Variants in CDH22 observed in about 807,000 individuals in gnomAD.
CDH22 encodes the protein cadherin 22.
A neutral mutation model predicts 58.4 loss-of-function variants in CDH22; 30 were observed. The observed-to-expected ratio is 0.51, with a 90% CI of 0.38 to 0.70. The LOEUF (loss-of-function observed/expected upper bound fraction) is 0.70, where lower values mean the gene tolerates loss of function less well. Ranked by LOEUF, CDH22 falls within the 30% of genes least tolerant of loss-of-function variation. The pLI is 0.00. For synonymous variants in CDH22, 513 were observed against 558.2 expected, an observed-to-expected ratio of 0.92 and a Z score of 1.14; for missense variants, 1,014 against 1,233.9, an observed-to-expected ratio of 0.82 and a Z score of 2.67.
intron 1 of CDH22, among the ~76,000 whole-genome samples, chr20:46,258,042 T>C (rs2086414991): frequency 6.6e-6 from 1 of 152,176 alleles, no homozygotes; most frequent in African/African-American, 2.4e-5. Flanking sequence ...TAACTGTTAA[T>C]AATGTTCCCC....
chr20:46,294,483 C>T (rs2086619891), intron 1 of CDH22, among the ~76,000 whole-genome samples: 1 of 152,204 alleles, frequency 6.6e-6, no homozygotes, highest in Non-Finnish European at 1.5e-5. Flanking sequence ...TCTGTCCTAG[C>T]TGGGGTGTGA....
intron 3 of CDH22, among the ~76,000 whole-genome samples, chr20:46,235,796 A>C (rs924680204): frequency 6.6e-6 from 1 of 152,192 alleles, no homozygotes; most frequent in East Asian, 1.9e-4. Context: ...GCACTATTGC[A>C]ATTGCTTCCT....
chr20:46,178,012 C>T lies in CDH22; in HGVS notation c.1849G>A (p.Val617Ile). Reference sequence around the variant, plus strand: ...CCGGGGCTGAGGGAGGCGGCCATGACAAAGGCCGTGGTGTTGCAGGACTGG... The same window carrying T: ...CCGGGGCTGAGGGAGGCGGCCATGATAAAGGCCGTGGTGTTGCAGGACTGG... ...TIQSCNTTAFVMAASLSPGAL... is the reference protein window; with the variant it reads ...TIQSCNTTAFIMAASLSPGAL... The change falls in exon 11 of 12, where the codon GTC becomes ATC. Residue 617 changes from valine (V) to isoleucine (I), a missense_variant. Coordinates refer to ENST00000537909, the MANE Select transcript of CDH22 (RefSeq NM_021248.3). The T allele has an allele frequency of 6.2e-7, 1 of 1,614,088 alleles. No individual in the cohort carries two copies. The highest frequency in any genetic ancestry group is 8.5e-7 in the Non-Finnish European group (1 of 1,180,008).
chr20:46,252,231 C>G (rs554540111), intron 1 of CDH22, among the ~76,000 whole-genome samples: 2 of 152,290 alleles, frequency 1.3e-5, no homozygotes, highest in African/African-American at 4.8e-5. Flanking sequence ...GGAAGGCCCT[C>G]TGATGTGCTC....
At chr20:46,299,535 G>A (rs149609940) in intron 1 of CDH22, among the ~76,000 whole-genome samples, 340 of 152,270 alleles carry the variant, frequency 2.2e-3, no homozygotes, top group Non-Finnish European at 3.1e-3. Flanking sequence ...ACGCAGGTGC[G>A]TACAAACATA....
At chr20:46,213,349 C>G (rs2086058708) in intron 5 of CDH22, among the ~76,000 whole-genome samples, 161 bp from the exon 6 acceptor site, 1 of 152,164 alleles carries the variant, frequency 6.6e-6, no homozygotes, top group South Asian at 2.1e-4. Context: ...AGAGGAATGT[C>G]CCCTGCAGAA....
At chr20:46,282,248 AGGAT>A (rs1265908243) in intron 1 of CDH22, among the ~76,000 whole-genome samples, 2 of 152,240 alleles carry the variant, frequency 1.3e-5, no homozygotes, top group East Asian at 3.8e-4. Context: ...CAACGTGCCC[AGGAT>A]ACCCTGAGTT....
At chr20:46,221,030 T>C (rs1488571718) in intron 4 of CDH22, among the ~76,000 whole-genome samples, 1 of 152,142 alleles carries the variant, frequency 6.6e-6, no homozygotes, top group Non-Finnish European at 1.5e-5. Flanking sequence ...GATAAGCCCC[T>C]GTATGCTGCG....
chr20:46,267,527 G>A (rs561839396), intron 1 of CDH22, among the ~76,000 whole-genome samples: 2 of 152,350 alleles, frequency 1.3e-5, no homozygotes, highest in South Asian at 2.1e-4. Context: ...ATGGCTAGGG[G>A]CCAACTCCAA....
At chr20:46,186,427 C>T (rs931973119) in intron 10 of CDH22, among the ~76,000 whole-genome samples, 161 bp downstream of exon 10, 2 of 151,564 alleles carry the variant, frequency 1.3e-5, no homozygotes, top group Non-Finnish European at 2.9e-5. Context: ...TTGTGTTTGG[C>T]CAGTGGGCTG....
chr20:46,272,215 T>C (rs2086494297), intron 1 of CDH22, among the ~76,000 whole-genome samples: 3 of 152,298 alleles, frequency 2.0e-5, no homozygotes, highest in Admixed American at 2.0e-4. Flanking sequence ...GACTCTTAGG[T>C]TTTTGGTTTA....
intron 11 of CDH22, 71 bp downstream of exon 11, chr20:46,177,875 G>A: frequency 6.4e-7 from 1 of 1,571,944 alleles, no homozygotes; most frequent in Non-Finnish European, 8.7e-7. Context: ...ATGGGGGCTG[G>A]TTAGGAAGGA....
intron 2 of CDH22, among the ~76,000 whole-genome samples, chr20:46,243,807 A>C (rs1232047849): frequency 2.6e-5 from 4 of 152,202 alleles, no homozygotes; most frequent in African/African-American, 9.7e-5. Flanking sequence ...CCATTTGAAG[A>C]GATGCTTAAC....
chr20:46,180,926 TTGTG>T (rs11471209), intron 10 of CDH22, among the ~76,000 whole-genome samples: 6,619 of 142,128 alleles, frequency 0.047, 229 homozygotes, highest in African/African-American at 0.095. Context: ...AAAGTTTGTT[TTGTG>T]TGTGTGTGTG....
chr20:46,266,722 C>G (rs1483311588), intron 1 of CDH22, among the ~76,000 whole-genome samples: 1 of 152,140 alleles, frequency 6.6e-6, no homozygotes, highest in South Asian at 2.1e-4. Context: ...ACTGGGTGAC[C>G]TTGGGCAAGT....
intron 1 of CDH22, among the ~76,000 whole-genome samples, chr20:46,268,245 C>T (rs1309507405): frequency 6.6e-6 from 1 of 152,258 alleles, no homozygotes; most frequent in Non-Finnish European, 1.5e-5. Context: ...AAGACGTGGC[C>T]TGAGCCTGGG....
At chr20:46,283,548 A>C (rs947363657) in intron 1 of CDH22, among the ~76,000 whole-genome samples, 2 of 152,154 alleles carry the variant, frequency 1.3e-5, no homozygotes, top group African/African-American at 4.8e-5. Context: ...ACAGATGAGA[A>C]AACTGAGGCC....
rs1398364267 is a variant in CDH22 at position 46,174,828 on chromosome 20, G to C, written c.2165C>G (p.Pro722Arg). 2 of 1,431,204 alleles carry C rather than the reference G, an allele frequency of 1.4e-6. No individual in the cohort carries two copies. Among genetic ancestry groups the C allele is most frequent in the Non-Finnish European group, 1.8e-6 (2 of 1,093,940 alleles). 88.7% of individuals were successfully genotyped at this position (1,431,204 alleles called of 1,614,324 possible). A position where few individuals can be genotyped will look rare whatever the true frequency, so the allele number is the denominator to read the frequency against. The change falls in exon 12 of 12, where the codon CCG becomes CGG. Residue 722 changes from proline (P) to arginine (R), a missense_variant. Physicochemically the swap from Pro to Arg is moderately radical, Grantham distance 103. This residue lies in a region of CDH22 where 208 missense variants were observed against 195.2 expected (regional missense o/e 1.07). Coordinates refer to ENST00000537909, the MANE Select transcript of CDH22 (RefSeq NM_021248.3). This position sits in a 1 kb window ranked among gnomAD's most constrained non-coding sequence, Gnocchi z 4.4. Reference sequence around the variant, plus strand: ...GCGCTCGGAGGGCAGGTGGGCCTGCGGGGGGCTGCCCGCGCCCCCGCCCGA... The same window carrying C: ...GCGCTCGGAGGGCAGGTGGGCCTGCCGGGGGCTGCCCGCGCCCCCGCCCGA... ...GGSGGGAGSP[P>R]QAHLPSERHS...
intron 3 of CDH22, 86 bp downstream of exon 3, chr20:46,240,877 C>T (rs2086284473): frequency 1.6e-6 from 2 of 1,250,200 alleles, no homozygotes; most frequent in Non-Finnish European, 2.2e-6. Context: ...TGTCCCTCCC[C>T]AGAGGATCAG....
Sources: gnomAD v4.1 joint callset for allele counts (sites outside exome capture counted in the v4.1 genomes callset) on GRCh38, gnomAD v4.1.1 for gene constraint, gnomAD v4.1.1 regional missense constraint, Gnocchi (gnomAD v3.1) non-coding constraint, MANE v1.5 for transcripts, NCBI Gene and HGNC (gene_info 2026-07-23, HGNC 2026-07-21) for gene names.